SLC25A26: variants seen among roughly 807,000 people sequenced by gnomAD.
SLC25A26 encodes the protein mitochondrial S-adenosylmethionine carrier protein.
In SLC25A26, 36 loss-of-function variants were observed where a neutral mutation model predicts 37.8. The ratio of observed to expected loss-of-function variants is 0.95; its 90% CI spans 0.73 to 1.26. The LOEUF (loss-of-function observed/expected upper bound fraction) is 1.26, where lower values mean the gene tolerates loss of function less well. Ranked by LOEUF, SLC25A26 falls within the 50% of genes most tolerant of loss-of-function variation. The pLI is 0.00. For synonymous variants in SLC25A26, 129 were observed against 122.5 expected (o/e 1.05, Z -0.35); for missense variants, 390 against 331.1 (o/e 1.18, Z -1.38).
At chr3:66,136,898 G>T (rs1451862962) in intron 1 of SLC25A26, among the ~76,000 whole-genome samples, 1 of 152,180 alleles carries the variant, frequency 6.6e-6, no homozygotes, top group Non-Finnish European at 1.5e-5. Flanking sequence ...AACAAAGAGA[G>T]AGCTTAACAA....
chr3:66,314,251 G>A (rs1049147978), intron 5 of SLC25A26, among the ~76,000 whole-genome samples: 3 of 152,102 alleles, frequency 2.0e-5, no homozygotes, highest in Non-Finnish European at 4.4e-5. Flanking sequence ...TACGGGCTGT[G>A]GGTTTGTCCT....
intron 5 of SLC25A26, among the ~76,000 whole-genome samples, chr3:66,309,696 A>G (rs1417647408): frequency 6.6e-6 from 1 of 152,062 alleles, no homozygotes; most frequent in South Asian, 2.1e-4. Context: ...AGATTCTGGT[A>G]TGTTGTGTCT....
At chr3:66,305,306 A>G (rs369435089) in intron 5 of SLC25A26, among the ~76,000 whole-genome samples, 3 of 152,182 alleles carry the variant, frequency 2.0e-5, no homozygotes, top group African/African-American at 7.2e-5. Context: ...TGGGTCTGCT[A>G]TTTTTCTTCT....
chr3:66,169,000 C>T (rs948662577), intron 1 of SLC25A26, among the ~76,000 whole-genome samples: 2 of 152,118 alleles, frequency 1.3e-5, no homozygotes, highest in African/African-American at 2.4e-5. Flanking sequence ...TGGTGTGTGC[C>T]TGTAGTCCCA....
intron 5 of SLC25A26, among the ~76,000 whole-genome samples, chr3:66,284,372 C>G (rs1254360164): frequency 6.6e-6 from 1 of 152,072 alleles, no homozygotes; most frequent in Non-Finnish European, 1.5e-5. Flanking sequence ...GAACTCTAAT[C>G]CATTGCTATC....
chr3:66,182,990 G>T (rs1184235160), intron 1 of SLC25A26, among the ~76,000 whole-genome samples: 1 of 152,120 alleles, frequency 6.6e-6, no homozygotes, highest in Non-Finnish European at 1.5e-5. Flanking sequence ...GGGATGCGGA[G>T]GATCAATGAA....
In SLC25A26 at chr3:66,377,909, G is replaced by C. The variant is rs1035488934; in HGVS notation, c.*102G>C. The C allele has an allele frequency of 1.1e-6, 1 of 872,146 alleles. No individual in the cohort carries two copies. The highest frequency in any genetic ancestry group is 1.7e-5 in the African/African-American group (1 of 59,724). The allele number at this position is 872,146 out of a possible 1,614,324, so 54.0% of individuals were successfully genotyped here. A position where few individuals can be genotyped will look rare whatever the true frequency, so the allele number is the denominator to read the frequency against. On this transcript the variant is annotated 3_prime_UTR_variant, in exon 10 of 10. Transcript: ENST00000354883. ...CTGAACTATAGGCCCCAGTGCTGAA[G>C]ACCAGTTGTGCTAAGATACCGGCAT...
At chr3:66,324,194 G>A (rs1303213493) in intron 5 of SLC25A26, 1 of 140,176 alleles carries the variant, frequency 7.1e-6, no homozygotes, top group Non-Finnish European at 1.5e-5. Context: ...GTGTGTGTGT[G>A]TGTGTGTGTG....
At chr3:66,289,611 C>T (rs1333155769) in intron 5 of SLC25A26, among the ~76,000 whole-genome samples, 1 of 152,108 alleles carries the variant, frequency 6.6e-6, no homozygotes, top group East Asian at 1.9e-4. Flanking sequence ...TCAGGTTTGT[C>T]AAAGATCAGA....
chr3:66,346,341 TA>T, intron 5 of SLC25A26, 22 bp from the exon 6 acceptor site: 1 of 1,406,724 alleles, frequency 7.1e-7, no homozygotes, highest in Non-Finnish European at 9.6e-7. Context: ...CTAATTTATT[TA>T]ATTTTTTTTT....
chr3:66,235,290 G>C (rs539612918), intron 1 of SLC25A26, among the ~76,000 whole-genome samples: 2 of 152,012 alleles, frequency 1.3e-5, no homozygotes, highest in Admixed American at 6.6e-5. Flanking sequence ...CTACATATTT[G>C]TCACTATAAT....
At chr3:66,377,255 A>G (rs1700715873) in intron 9 of SLC25A26, among the ~76,000 whole-genome samples, 1 of 152,162 alleles carries the variant, frequency 6.6e-6, no homozygotes, top group African/African-American at 2.4e-5. Flanking sequence ...GCCTTTAGAC[A>G]GAAAAGGAAC....
intron 4 of SLC25A26, among the ~76,000 whole-genome samples, chr3:66,262,381 T>C (rs553845002): frequency 6.6e-6 from 1 of 152,366 alleles, no homozygotes; most frequent in African/African-American, 2.4e-5. Flanking sequence ...GTGTCCTGAA[T>C]TGTAATCTTC....
In SLC25A26 at chr3:66,272,722, T is replaced by C. The variant is rs544913439; in HGVS notation, c.453+9343T>C. ...ATTACCTTCATTTCTTGTTCAAAAA[T>C]TAATTACTGCTGCAAACAGGGACAA... On this transcript the variant is annotated intron_variant, in intron 5 of 9. Coordinates refer to ENST00000354883, the MANE Select transcript of SLC25A26 (RefSeq NM_001379210.1). Among the ~76,000 whole-genome samples, 6 of 152,158 alleles carry C rather than the reference T, an allele frequency of 3.9e-5. No homozygotes were observed. The South Asian group carries it at 1.2e-3, about 32-fold the overall frequency.
chr3:66,313,281 T>A (rs1321648677), intron 5 of SLC25A26, among the ~76,000 whole-genome samples: 3 of 152,198 alleles, frequency 2.0e-5, no homozygotes, highest in African/African-American at 7.2e-5. Context: ...AAGTCTTTGA[T>A]CCATCTTGAG....
intron 5 of SLC25A26, among the ~76,000 whole-genome samples, chr3:66,302,022 T>C (rs1287151053): frequency 2.0e-5 from 3 of 152,254 alleles, no homozygotes; most frequent in East Asian, 1.9e-4. Flanking sequence ...ATAAATGTTA[T>C]AATTTATGAT....
At chr3:66,215,613 C>G (rs948645138) in intron 1 of SLC25A26, among the ~76,000 whole-genome samples, 6 of 152,194 alleles carry the variant, frequency 3.9e-5, no homozygotes, top group African/African-American at 4.8e-5. Flanking sequence ...TTGAAAGAGT[C>G]ATCTTTTTCT....
intron 5 of SLC25A26, among the ~76,000 whole-genome samples, chr3:66,265,593 C>A (rs1215476669): frequency 6.6e-6 from 1 of 152,194 alleles, no homozygotes; most frequent in Non-Finnish European, 1.5e-5. Context: ...TCATTGAAAT[C>A]CCAAATTTTA....
intron 1 of SLC25A26, among the ~76,000 whole-genome samples, chr3:66,224,699 A>C (rs782744936): frequency 6.6e-6 from 1 of 152,222 alleles, no homozygotes; most frequent in Non-Finnish European, 1.5e-5. Context: ...CATTAATTCA[A>C]AAGTCCACAG....
Sources: allele counts gnomAD v4.1 joint callset (sites outside exome capture counted in the v4.1 genomes callset), GRCh38; gene constraint gnomAD v4.1.1; transcripts MANE v1.5; gene names NCBI Gene and HGNC (gene_info 2026-07-23, HGNC 2026-07-21).